Variants in ATRNL1 observed in about 807,000 individuals in gnomAD.
ATRNL1 encodes the protein attractin-like protein 1.
In ATRNL1, 95 loss-of-function variants were observed where a neutral mutation model predicts 182.7. That is an observed-to-expected ratio of 0.52 (90% CI 0.44 to 0.62). ATRNL1 has a LOEUF of 0.62. Ranked by LOEUF, ATRNL1 falls within the 20% of genes least tolerant of loss-of-function variation. The pLI, the probability that ATRNL1 is intolerant of heterozygous loss-of-function variation, is 0.00. For synonymous variants in ATRNL1, 576 were observed against 568.3 expected (o/e 1.01, Z -0.19); for missense variants, 1,471 against 1,679.5 (o/e 0.88, Z 2.17).
At chr10:115,269,888 T>TCTAA (rs1851768460) in intron 13 of ATRNL1, among the ~76,000 whole-genome samples, 1 of 151,814 alleles carries the variant, frequency 6.6e-6, no homozygotes. Context: ...ATGACTTTAA[T>TCTAA]TTTCAGAACT....
intron 22 of ATRNL1, among the ~76,000 whole-genome samples, 160 bp downstream of exon 22, chr10:115,462,195 G>A (rs1847837923): frequency 6.6e-6 from 1 of 151,688 alleles, no homozygotes; most frequent in Non-Finnish European, 1.5e-5. Context: ...TCAATAATTT[G>A]TGAATTTGAT....
chr10:115,156,503 T>C (rs1404407145), intron 5 of ATRNL1, among the ~76,000 whole-genome samples: 1 of 152,088 alleles, frequency 6.6e-6, no homozygotes, highest in Admixed American at 6.6e-5. Context: ...ACATATACAT[T>C]TGGGATATAT....
chr10:115,624,243 T>G (rs1857952814), intron 26 of ATRNL1, among the ~76,000 whole-genome samples: 1 of 151,940 alleles, frequency 6.6e-6, no homozygotes, highest in Non-Finnish European at 1.5e-5. Context: ...AAGTACAATA[T>G]ATATAATATG....
intron 27 of ATRNL1, among the ~76,000 whole-genome samples, chr10:115,797,324 C>A (rs74158285): frequency 6.6e-6 from 1 of 152,082 alleles, no homozygotes; most frequent in Non-Finnish European, 1.5e-5. Flanking sequence ...TCCTTTCTTC[C>A]GTGGTCTCTC....
Position 115,755,741 on chromosome 10 carries a change from A to G in ATRNL1, c.3903+28386A>G, listed in dbSNP as rs546963027. 7.2e-5 allele frequency among the ~76,000 whole-genome samples: 11 copies of G among 152,272 alleles called. No individual in the cohort carries two copies. The East Asian group carries it at 1.9e-3, about 27-fold the overall frequency. On this transcript the variant is annotated intron_variant, in intron 27 of 28. Coordinates refer to ENST00000355044, the MANE Select transcript of ATRNL1 (RefSeq NM_207303.4). Reference sequence around the variant, plus strand: ...ATTTTTTGGAATAGTTTCAAAAGGAATGGTACCAGCTCCTCTTTGTACCTC... The same window carrying G: ...ATTTTTTGGAATAGTTTCAAAAGGAGTGGTACCAGCTCCTCTTTGTACCTC...
chr10:115,837,361 T>G (rs1285103527), intron 27 of ATRNL1, among the ~76,000 whole-genome samples: 2 of 151,768 alleles, frequency 1.3e-5, no homozygotes, highest in African/African-American at 2.4e-5. Context: ...TCTACTAACA[T>G]CCTTTCTCTC....
chr10:115,515,867 C>A (rs1007460838), intron 24 of ATRNL1, among the ~76,000 whole-genome samples: 2 of 151,880 alleles, frequency 1.3e-5, no homozygotes, highest in African/African-American at 4.8e-5. Flanking sequence ...CCACTACTTT[C>A]TTCTTGCAAC....
intron 25 of ATRNL1, among the ~76,000 whole-genome samples, chr10:115,538,066 A>T (rs1029160033): frequency 1.8e-4 from 28 of 152,208 alleles, no homozygotes; most frequent in Non-Finnish European, 4.0e-4. Flanking sequence ...GTATTTCATT[A>T]TATGGATATA....
At position 115,389,538 on chromosome 10, in the gene ATRNL1, GTGTATA is replaced by G. The variant is rs1345252568; in HGVS notation, c.3176-5119_3176-5114del. On this transcript the variant is annotated intron_variant, in intron 19 of 28. Coordinates refer to ENST00000355044, the MANE Select transcript of ATRNL1 (RefSeq NM_207303.4). ...AGCTGAATAGTATTCAAATGTGTAT[GTGTATA>G]TATATATATATATATATATATATAT... is the stretch of plus-strand genomic sequence containing the variant. 9.1e-3 allele frequency among the ~76,000 whole-genome samples: 470 copies of G among 51,406 alleles called. 40 individuals carry two copies. Among genetic ancestry groups the G allele is most frequent in the African/African-American group, 0.04 (401 of 10,012 alleles). The allele number at this position is 51,406 out of a possible 152,430, so 33.7% of individuals were successfully genotyped here. A position where few individuals can be genotyped will look rare whatever the true frequency, so the allele number is the denominator to read the frequency against.
chr10:115,864,980 TAAAAA>T (rs76771298), intron 28 of ATRNL1, among the ~76,000 whole-genome samples: 1 of 111,006 alleles, frequency 9.0e-6, no homozygotes, highest in African/African-American at 3.2e-5. Context: ...AGACTCCGTC[TAAAAA>T]AAAAAAAAAA....
intron 20 of ATRNL1, 23 bp from the exon 21 acceptor site, chr10:115,426,227 A>G: frequency 1.2e-6 from 2 of 1,606,266 alleles, no homozygotes; most frequent in Non-Finnish European, 1.7e-6. Context: ...TTTAATAGTA[A>G]ATGAGTTTTT....
chr10:115,614,018 T>G (rs1446466158), intron 26 of ATRNL1, among the ~76,000 whole-genome samples: 1 of 151,970 alleles, frequency 6.6e-6, no homozygotes, highest in Admixed American at 6.5e-5. Flanking sequence ...TTTGTCTGTA[T>G]TTTGTTTAGT....
chr10:115,757,379 G>A (rs1948617943), intron 27 of ATRNL1, among the ~76,000 whole-genome samples: 1 of 151,910 alleles, frequency 6.6e-6, no homozygotes, highest in Non-Finnish European at 1.5e-5. Flanking sequence ...CTCAGCATTT[G>A]CTTCTCTGTA....
Position 115,713,692 on chromosome 10 carries a change from T to TCTAC in ATRNL1, c.3796-13553_3796-13552insCCTA, listed in dbSNP as rs1555055361. ...GTTCTGTTTTCTATCTATCTATCTATCTATCTATCTATCATCTATCTATCT... is the reference window on the plus strand; with the variant it reads ...GTTCTGTTTTCTATCTATCTATCTATCTACCTATCTATCTATCATCTATCTATCT... On this transcript the variant is annotated intron_variant, in intron 26 of 28. Transcript: ENST00000355044. Among the ~76,000 whole-genome samples the TCTAC allele has an allele frequency of 4.4e-3, 503 of 114,554 alleles. 3 individuals are homozygous for TCTAC. The highest frequency in any genetic ancestry group is 0.014 in the African/African-American group (471 of 32,938). The allele number at this position is 114,554 out of a possible 152,430, so 75.2% of individuals were successfully genotyped here. A position where few individuals can be genotyped will look rare whatever the true frequency, so the allele number is the denominator to read the frequency against.
At chr10:115,272,463 G>A (rs2420075) in intron 13 of ATRNL1, among the ~76,000 whole-genome samples, 33,036 of 152,064 alleles carry the variant, frequency 0.22, 4,599 homozygotes, top group Non-Finnish European at 0.31. Flanking sequence ...CCAATTCTAT[G>A]GAATCAGTGT....
At chr10:115,097,449 G>A (rs2085041713) in intron 1 of ATRNL1, among the ~76,000 whole-genome samples, 1 of 152,160 alleles carries the variant, frequency 6.6e-6, no homozygotes, top group Non-Finnish European at 1.5e-5. Flanking sequence ...TCACGCCACT[G>A]CGCTCCAGCT....
chr10:115,367,852 C>T (rs550088672), intron 19 of ATRNL1, among the ~76,000 whole-genome samples: 2 of 147,744 alleles, frequency 1.4e-5, no homozygotes, highest in African/African-American at 2.5e-5. Context: ...GGTCAGGGAC[C>T]CACTTGAGGA....
chr10:115,675,985 CT>C, intron 26 of ATRNL1, among the ~76,000 whole-genome samples: 1 of 152,164 alleles, frequency 6.6e-6, no homozygotes, highest in South Asian at 2.1e-4. Flanking sequence ...GTTCCAAGCC[CT>C]TTGTAGTTGT....
intron 28 of ATRNL1, among the ~76,000 whole-genome samples, chr10:115,875,651 T>C (rs1191921799): frequency 6.6e-6 from 1 of 152,224 alleles, no homozygotes; most frequent in Non-Finnish European, 1.5e-5. Context: ...TTTGCATAGG[T>C]CATTTGTTTT....
Sources: gnomAD v4.1 joint callset for allele counts (sites outside exome capture counted in the v4.1 genomes callset) on GRCh38, gnomAD v4.1.1 for gene constraint, MANE v1.5 for transcripts, NCBI Gene and HGNC (gene_info 2026-07-23, HGNC 2026-07-21) for gene names.